Variants in OXR1 observed in about 807,000 individuals in gnomAD.
The protein encoded by OXR1 is oxidation resistance protein 1.
OXR1 carries 41 observed loss-of-function variants against 104.6 expected under a neutral mutation model. The observed-to-expected ratio is 0.39, with a 90% CI of 0.31 to 0.51. OXR1 has a LOEUF of 0.51. OXR1 is among the 20% of genes least tolerant of loss of function. OXR1 has a pLI of 0.77. For missense variants in OXR1, 955 were observed against 1,031.9 expected, an observed-to-expected ratio of 0.93 and a Z score of 1.02; for synonymous variants, 348 against 348.4, an observed-to-expected ratio of 1.00 and a Z score of 0.01.
At chr8:106,686,428 G>A (rs1013436412) in intron 6 of OXR1, among the ~76,000 whole-genome samples, 20 of 151,624 alleles carry the variant, frequency 1.3e-4, no homozygotes, top group Admixed American at 1.1e-3. Flanking sequence ...AATTTTAGTT[G>A]TATTTTTTTT....
intron 2 of OXR1, among the ~76,000 whole-genome samples, chr8:106,501,865 A>C (rs999531568): frequency 1.3e-5 from 2 of 152,202 alleles, no homozygotes; most frequent in African/African-American, 2.4e-5. Context: ...AAGCTTCAAT[A>C]ATAACCCTAC....
chr8:106,706,944 G>A lies in OXR1; in HGVS notation c.1423G>A (p.Glu475Lys). 1 of 1,613,290 alleles carries A rather than the reference G, an allele frequency of 6.2e-7. No homozygotes were observed. Among genetic ancestry groups the A allele is most frequent in the Non-Finnish European group, 8.5e-7 (1 of 1,179,868 alleles). The change falls in exon 9 of 17, where the codon GAA becomes AAA. Residue 475 changes from glutamate (E) to lysine (K), a missense_variant. Physicochemically the swap from Glu to Lys is moderately conservative, Grantham distance 56. Around this residue, in one of 2 missense-constraint regions of OXR1, gnomAD observed 849 missense variants for 852.9 expected, o/e 1.00. Coordinates refer to ENST00000517566, the MANE Select transcript of OXR1 (RefSeq NM_001198533.2). ...KENMPCGETAEFKQKQSVNKG... is the reference protein window; with the variant it reads ...KENMPCGETAKFKQKQSVNKG... ...AAATATGCCTTGTGGGGAAACAGCA[G>A]AATTTAAACAAAAGCAAAGTGTTAA...
intron 3 of OXR1, among the ~76,000 whole-genome samples, chr8:106,625,148 A>G (rs962683854): frequency 1.3e-5 from 2 of 152,192 alleles, no homozygotes; most frequent in African/African-American, 4.8e-5. Flanking sequence ...AAAAGGTTAC[A>G]TGAATTCCAT....
intron 2 of OXR1, among the ~76,000 whole-genome samples, chr8:106,427,390 A>G (rs1356868574): frequency 6.6e-6 from 1 of 151,978 alleles, no homozygotes; most frequent in Non-Finnish European, 1.5e-5. Flanking sequence ...GATGGTCTCG[A>G]TCTCCTGACC....
At chr8:106,533,436 C>T (rs891115595) in intron 3 of OXR1, among the ~76,000 whole-genome samples, 1 of 152,148 alleles carries the variant, frequency 6.6e-6, no homozygotes, top group African/African-American at 2.4e-5. Context: ...GGAATGGTAG[C>T]AGGAGAAGAC....
At chr8:106,342,235 C>G (rs1815282383) in intron 1 of OXR1, among the ~76,000 whole-genome samples, 2 of 149,420 alleles carry the variant, frequency 1.3e-5, no homozygotes, top group South Asian at 4.3e-4. Context: ...TTTTTCTTTT[C>G]TTTTCTTTTC....
chr8:106,421,660 A>G (rs577063988), intron 2 of OXR1, among the ~76,000 whole-genome samples: 2 of 152,164 alleles, frequency 1.3e-5, no homozygotes, highest in African/African-American at 2.4e-5. Context: ...TTATGTTCTC[A>G]TGGTGATCTC....
intron 1 of OXR1, among the ~76,000 whole-genome samples, chr8:106,348,607 A>C (rs1815596208): frequency 6.6e-6 from 1 of 152,206 alleles, no homozygotes; most frequent in South Asian, 2.1e-4. Context: ...TTCTAAAAAC[A>C]TTATAAAAAC....
At chr8:106,607,851 G>C (rs1820520714) in intron 3 of OXR1, among the ~76,000 whole-genome samples, 2 of 150,996 alleles carry the variant, frequency 1.3e-5, no homozygotes, top group Admixed American at 6.6e-5. Context: ...CTGGGACATA[G>C]AGAACTTTAT....
intron 3 of OXR1, among the ~76,000 whole-genome samples, chr8:106,640,864 A>C (rs1347601319): frequency 2.0e-4 from 30 of 152,328 alleles, no homozygotes; most frequent in Non-Finnish European, 1.5e-4. Flanking sequence ...AAGAATACAT[A>C]GCATGCTTTT....
chr8:106,581,608 G>A (rs1040990073), intron 3 of OXR1, among the ~76,000 whole-genome samples: 7 of 151,882 alleles, frequency 4.6e-5, no homozygotes, highest in Admixed American at 2.6e-4. Flanking sequence ...AGAAGTAAAT[G>A]TCTTTTTTCA....
At chr8:106,522,939 G>C (rs1217433628) in intron 3 of OXR1, 1 of 152,164 alleles carries the variant, frequency 6.6e-6, no homozygotes, top group Non-Finnish European at 1.5e-5. Flanking sequence ...CTCTGCTCAG[G>C]GTGTCTCAAG....
At chr8:106,650,270 C>A (rs972845798) in intron 3 of OXR1, among the ~76,000 whole-genome samples, 3 of 152,082 alleles carry the variant, frequency 2.0e-5, no homozygotes, top group Admixed American at 1.3e-4. Context: ...AGGTAAGGAA[C>A]CTGAGGGAGA....
At chr8:106,329,247 C>A (rs1320572943) in intron 1 of OXR1, among the ~76,000 whole-genome samples, 1 of 151,974 alleles carries the variant, frequency 6.6e-6, no homozygotes, top group Non-Finnish European at 1.5e-5. Flanking sequence ...CCACCTCGCC[C>A]TCCCAAAGTG....
intron 2 of OXR1, among the ~76,000 whole-genome samples, chr8:106,400,251 A>G (rs943362422): frequency 6.6e-6 from 1 of 152,108 alleles, no homozygotes; most frequent in Non-Finnish European, 1.5e-5. Flanking sequence ...CATGCTCCAT[A>G]TTTCCAAGCA....
At chr8:106,427,024 C>A (rs979559541) in intron 2 of OXR1, among the ~76,000 whole-genome samples, 9 of 152,048 alleles carry the variant, frequency 5.9e-5, no homozygotes, top group Admixed American at 5.9e-4. Flanking sequence ...TGCTTCATGG[C>A]TGCGCGTTTT....
intron 2 of OXR1, among the ~76,000 whole-genome samples, chr8:106,372,974 C>T (rs967380583): frequency 3.3e-5 from 5 of 152,112 alleles, no homozygotes; most frequent in African/African-American, 1.2e-4. Context: ...ATAGATTCAA[C>T]CAACCTCAGA....
intron 11 of OXR1, among the ~76,000 whole-genome samples, chr8:106,722,725 T>C (rs1479143988): frequency 6.6e-6 from 1 of 152,206 alleles, no homozygotes; most frequent in Non-Finnish European, 1.5e-5. Flanking sequence ...CTATTCCATT[T>C]AGGTTTGTGT....
In OXR1 at chr8:106,547,986, C is replaced by A. The variant is rs546512761; in HGVS notation, c.220+28847C>A. ...GCTTTCAGTTCATTTGGGTATATACCCAGAAGTGGCTTTCCTGGATCCTAT... is the reference window on the plus strand; with the variant it reads ...GCTTTCAGTTCATTTGGGTATATACACAGAAGTGGCTTTCCTGGATCCTAT... On this transcript the variant is annotated intron_variant, in intron 3 of 16. Coordinates refer to ENST00000517566, the MANE Select transcript of OXR1 (RefSeq NM_001198533.2). Among the ~76,000 whole-genome samples the A allele has an allele frequency of 7.2e-5, 11 of 152,030 alleles. No individual in the cohort carries two copies. The Middle Eastern group carries it at 0.01, about 141-fold the overall frequency.
Sources: gnomAD v4.1 joint callset for allele counts (sites outside exome capture counted in the v4.1 genomes callset) on GRCh38, gnomAD v4.1.1 for gene constraint, gnomAD v4.1.1 regional missense constraint, MANE v1.5 for transcripts, NCBI Gene and HGNC (gene_info 2026-07-23, HGNC 2026-07-21) for gene names.